The following PARD3 variants were observed in gnomAD, a reference collection of about 807,000 sequenced individuals.
PARD3 encodes the protein par-3 family cell polarity regulator.
A neutral mutation model predicts 155.4 loss-of-function variants in PARD3; 75 were observed. The observed-to-expected ratio is 0.48, with a 90% CI of 0.40 to 0.58. The LOEUF (loss-of-function observed/expected upper bound fraction) is 0.58, where lower values mean the gene tolerates loss of function less well. PARD3 is among the 20% of genes least tolerant of loss of function. PARD3 has a pLI of 0.00. For missense variants in PARD3, 1,642 were observed against 1,721.7 expected (o/e 0.95, Z 0.82); for synonymous variants, 576 against 610.5 (o/e 0.94, Z 0.83).
intron 22 of PARD3, among the ~76,000 whole-genome samples, chr10:34,260,621 T>C (rs1954907138): frequency 6.6e-6 from 1 of 152,164 alleles, no homozygotes; most frequent in African/African-American, 2.4e-5. Context: ...CCAAGGACAC[T>C]GAGATCAGGC....
chr10:34,135,656 C>A (rs1360612447), intron 22 of PARD3, among the ~76,000 whole-genome samples: 1 of 152,154 alleles, frequency 6.6e-6, no homozygotes, highest in Non-Finnish European at 1.5e-5. Flanking sequence ...GAAGCCTGCC[C>A]CGCACCTGTG....
At chr10:34,552,375 C>T (rs1371857216) in intron 2 of PARD3, among the ~76,000 whole-genome samples, 1 of 152,216 alleles carries the variant, frequency 6.6e-6, no homozygotes, top group Non-Finnish European at 1.5e-5. Flanking sequence ...ACTGGGATTA[C>T]AGCAGACAGC....
chr10:34,112,978 G>A (rs1946466382), intron 24 of PARD3, among the ~76,000 whole-genome samples: 1 of 152,166 alleles, frequency 6.6e-6, no homozygotes, highest in African/African-American at 2.4e-5. Context: ...TTTGCCTAAA[G>A]CACTGATTAT....
chr10:34,304,765 G>A (rs1957321869), intron 20 of PARD3, among the ~76,000 whole-genome samples: 1 of 152,216 alleles, frequency 6.6e-6, no homozygotes, highest in African/African-American at 2.4e-5. Context: ...ATTATGAGGT[G>A]TAAAGGGGTT....
At chr10:34,121,581 G>A (rs561608149) in intron 23 of PARD3, among the ~76,000 whole-genome samples, 1 of 152,338 alleles carries the variant, frequency 6.6e-6, no homozygotes, top group East Asian at 1.9e-4. Context: ...CCAAAAGAAT[G>A]GCTCCTATGG....
At chr10:34,607,653 C>T (rs1474477629) in intron 2 of PARD3, among the ~76,000 whole-genome samples, 2 of 152,160 alleles carry the variant, frequency 1.3e-5, no homozygotes, top group Non-Finnish European at 2.9e-5. Context: ...CATCCTTTGG[C>T]ACCTATAAGA....
rs111275205 is a variant in PARD3 at position 34,375,837 on chromosome 10, C to A, written c.1540-835G>T. On this transcript the variant is annotated intron_variant, in intron 10 of 24. Transcript: ENST00000374788. ...AGTTAAAATATATTTCAGAACATTT[C>A]CCCTTCTGAAAAAAATCAACCTCAT... 5.5e-3 allele frequency among the ~76,000 whole-genome samples: 837 copies of A among 152,184 alleles called. 7 individuals are homozygous for A. Among genetic ancestry groups the A allele is most frequent in the African/African-American group, 0.019 (795 of 41,516 alleles).
intron 5 of PARD3, among the ~76,000 whole-genome samples, chr10:34,411,095 G>A (rs1230715536): frequency 1.3e-5 from 2 of 152,206 alleles, no homozygotes; most frequent in Admixed American, 6.5e-5. Context: ...TAGCTTGCAA[G>A]TAGGATAAAA....
rs149461353 is a variant in PARD3, at chr10:34,470,209, G to A, written c.458C>T (p.Thr153Ile). The stretch of plus-strand genomic sequence containing the variant: ...GGAAAAATTACTATCACTGACAGAA[G>A]TGGAGAGGCCAATTAGAGCTGGGTC... ...SSDPALIGLSTSVSDSNFSSE... is the reference protein window; with the variant it reads ...SSDPALIGLSISVSDSNFSSE... Residue 153 changes from threonine (T) to isoleucine (I), a missense_variant, in exon 4 of 25, where the codon ACT (threonine) becomes ATT (isoleucine). This residue lies in a region of PARD3 where 1,529 missense variants were observed against 1,587.3 expected (regional missense o/e 0.96). Coordinates refer to ENST00000374788, the MANE Select transcript of PARD3 (RefSeq NM_001184785.2). 2 of 1,613,156 alleles carry A rather than the reference G, an allele frequency of 1.2e-6. No homozygotes were observed. The highest frequency in any genetic ancestry group is 1.1e-5 in the South Asian group (1 of 90,740).
rs541142683 is a variant in PARD3 at position 34,775,137 on chromosome 10, A to G, written c.120+39739T>C. Among the ~76,000 whole-genome samples, 11 of 152,334 alleles carry G rather than the reference A, an allele frequency of 7.2e-5. No individual in the cohort carries two copies. The South Asian group carries it at 1.2e-3, about 17-fold the overall frequency. On this transcript the variant is annotated intron_variant, in intron 1 of 24. Coordinates refer to ENST00000374788, the MANE Select transcript of PARD3 (RefSeq NM_001184785.2). ...CAACATAGAAGCAGCATAGAACCCA[A>G]TATTTCAAGCTCATATGACAGAGCA... is the stretch of plus-strand genomic sequence containing the variant.
At chr10:34,399,016 T>C (rs1474525244) in intron 7 of PARD3, among the ~76,000 whole-genome samples, 1 of 152,192 alleles carries the variant, frequency 6.6e-6, no homozygotes, top group Non-Finnish European at 1.5e-5. Context: ...ACGTTGCAAA[T>C]TCATCTGGAG....
intron 5 of PARD3, among the ~76,000 whole-genome samples, chr10:34,419,691 G>A (rs997972991): frequency 6.6e-6 from 1 of 152,114 alleles, no homozygotes; most frequent in African/African-American, 2.4e-5. Context: ...TATTTAATTA[G>A]TGGTAAAGTA....
At chr10:34,599,924 A>G (rs988066500) in intron 2 of PARD3, among the ~76,000 whole-genome samples, 3 of 152,206 alleles carry the variant, frequency 2.0e-5, no homozygotes, top group African/African-American at 7.2e-5. Context: ...AAAGAAGCCT[A>G]CATTTGTCAA....
intron 2 of PARD3, among the ~76,000 whole-genome samples, chr10:34,630,308 C>T (rs1247414363): frequency 6.6e-6 from 1 of 152,206 alleles, no homozygotes; most frequent in Non-Finnish European, 1.5e-5. Flanking sequence ...ACACCCTGCC[C>T]AGATGTGGCA....
At chr10:34,506,026 T>C (rs2081039699) in intron 3 of PARD3, among the ~76,000 whole-genome samples, 1 of 151,880 alleles carries the variant, frequency 6.6e-6, no homozygotes, top group Non-Finnish European at 1.5e-5. Flanking sequence ...CTGGAGAGGC[T>C]GAGGCAGGAG....
At chr10:34,412,412 G>T (rs570142231) in intron 5 of PARD3, among the ~76,000 whole-genome samples, 8 of 152,204 alleles carry the variant, frequency 5.3e-5, no homozygotes, top group Middle Eastern at 3.4e-3. Flanking sequence ...GCTTTAATAA[G>T]GACCCACACT....
intron 2 of PARD3, among the ~76,000 whole-genome samples, chr10:34,642,978 C>T (rs1400444668): frequency 6.6e-6 from 1 of 152,278 alleles, no homozygotes; most frequent in Non-Finnish European, 1.5e-5. Flanking sequence ...CTGAAATGCT[C>T]CCCCATCAGA....
chr10:34,651,011 CAAAAAAAAAAAAAAAAAAAAAA>C (rs60113552), intron 2 of PARD3, among the ~76,000 whole-genome samples: 939 of 44,548 alleles, frequency 0.021, 25 homozygotes, highest in African/African-American at 0.072. Flanking sequence ...AACTCTGTCT[CAAAAAAAAAAAAAAAAAAAAAA>C]AAAAAAAAAA....
chr10:34,201,177 C>T (rs2133337509), intron 22 of PARD3, among the ~76,000 whole-genome samples: 1 of 152,176 alleles, frequency 6.6e-6, no homozygotes, highest in Admixed American at 6.5e-5. Flanking sequence ...TCTCATCTGT[C>T]GAAGAAAGAT....
Sources: gnomAD v4.1 joint callset for allele counts (sites outside exome capture counted in the v4.1 genomes callset) on GRCh38, gnomAD v4.1.1 for gene constraint, gnomAD v4.1.1 regional missense constraint, MANE v1.5 for transcripts, NCBI Gene and HGNC (gene_info 2026-07-23, HGNC 2026-07-21) for gene names.